ARHGAP23: variants seen among roughly 807,000 people sequenced by gnomAD.
The protein encoded by ARHGAP23 is Rho GTPase activating protein 23.
Under a neutral mutation model 136.3 loss-of-function variants are expected in ARHGAP23, and 34 were observed. The ratio of observed to expected loss-of-function variants is 0.25; its 90% CI spans 0.19 to 0.33. The LOEUF (loss-of-function observed/expected upper bound fraction) is 0.33. Ranked by LOEUF, ARHGAP23 falls within the 10% of genes least tolerant of loss-of-function variation. ARHGAP23 has a pLI of 1.00. For missense variants in ARHGAP23, 1,808 were observed against 2,139.0 expected (o/e 0.85, Z 3.05); for synonymous variants, 832 against 920.5 (o/e 0.90, Z 1.74).
rs191108197 is a variant in ARHGAP23, at chr17:38,508,092, C to G, written c.3448-1852C>G. ...TATTGAGCACCTGTTATGTGCCATGCAGAAACAACCAAGTCACAGCCTTTG... is the reference window on the plus strand; with the variant it reads ...TATTGAGCACCTGTTATGTGCCATGGAGAAACAACCAAGTCACAGCCTTTG... On this transcript the variant is annotated intron_variant, in intron 23 of 23. Transcript: ENST00000622683. Among the ~76,000 whole-genome samples the G allele has an allele frequency of 2.4e-4, 36 of 152,350 alleles. 1 individual carries two copies. The East Asian group carries it at 6.4e-3, about 27-fold the overall frequency.
At chr17:38,464,359 T>C (rs2039532680) in intron 6 of ARHGAP23, among the ~76,000 whole-genome samples, 1 of 152,178 alleles carries the variant, frequency 6.6e-6, no homozygotes, top group African/African-American at 2.4e-5. Flanking sequence ...CGGTCCGCTT[T>C]GCCCAGTGCC....
chr17:38,433,071 G>A (rs752971625), intron 1 of ARHGAP23, among the ~76,000 whole-genome samples: 2 of 152,118 alleles, frequency 1.3e-5, no homozygotes, highest in Non-Finnish European at 2.9e-5. Flanking sequence ...TCCCTCCTCA[G>A]CCTCCTGAGT....
rs146760398 is a variant in ARHGAP23 at position 38,510,616 on chromosome 17, C to G, written c.4120C>G (p.Leu1374Val). 5.2e-3 allele frequency: 6,925 copies of G among 1,342,736 alleles called. 332 individuals carry two copies. In the African/African-American group the frequency reaches 0.097, roughly 19 times the overall value. The allele number at this position is 1,342,736 out of a possible 1,614,324, so 83.2% of individuals were successfully genotyped here. A position where few individuals can be genotyped will look rare whatever the true frequency, so the allele number is the denominator to read the frequency against. The change falls in exon 24 of 24, where the codon CTA becomes GTA. Residue 1374 changes from leucine to valine, a missense_variant. Transcript: ENST00000622683. The surrounding 1 kb of genome is among the most constrained non-coding windows in gnomAD (Gnocchi z 4.6). Reference sequence around the variant, plus strand: ...GCCCTCGCGCATGGAGGCGCTGCGTCTAAGGCTCCGCGGCACGGCGGACGA... The same window carrying G: ...GCCCTCGCGCATGGAGGCGCTGCGTGTAAGGCTCCGCGGCACGGCGGACGA... The part of the protein sequence containing the change: ...SRPSRMEALR[L>V]RLRGTADDML...
intron 17 of ARHGAP23, among the ~76,000 whole-genome samples, chr17:38,486,422 G>A (rs1356789923): frequency 1.3e-5 from 2 of 151,788 alleles, no homozygotes; most frequent in Non-Finnish European, 2.9e-5. Context: ...AGAGATGGGG[G>A]GAGTTTCTCA....
intron 16 of ARHGAP23, among the ~76,000 whole-genome samples, chr17:38,483,982 G>A (rs1374583921): frequency 6.6e-6 from 1 of 152,188 alleles, no homozygotes; most frequent in Non-Finnish European, 1.5e-5. Context: ...GGCATTTGAT[G>A]GCTTCACTGA....
intron 1 of ARHGAP23, among the ~76,000 whole-genome samples, chr17:38,429,082 C>T (rs1056252639): frequency 6.6e-6 from 1 of 152,218 alleles, no homozygotes; most frequent in Non-Finnish European, 1.5e-5. Context: ...GACGGGTTGC[C>T]AGGCGCGGTT....
rs1342951217 is a variant in ARHGAP23 at position 38,510,343 on chromosome 17, A to G, written c.3847A>G (p.Ser1283Gly). 3 of 1,249,296 alleles carry G rather than the reference A, an allele frequency of 2.4e-6. No individual in the cohort carries two copies. Among genetic ancestry groups the G allele is most frequent in the Middle Eastern group, 4.6e-4 (2 of 4,320 alleles). The allele number at this position is 1,249,296 out of a possible 1,614,324, so 77.4% of individuals were successfully genotyped here. A position where few individuals can be genotyped will look rare whatever the true frequency, so the allele number is the denominator to read the frequency against. Residue 1283 changes from serine to glycine, a missense_variant, in exon 24 of 24, where the codon AGC (serine) becomes GGC (glycine). By Grantham distance (56) the Ser-to-Gly change is moderately conservative. Transcript: ENST00000622683. This position sits in a 1 kb window ranked among gnomAD's most constrained non-coding sequence, Gnocchi z 4.6. ...DEADDERSEL[S>G]HVETDTEGAA... ...GGCGGACGACGAGCGTAGCGAGCTG[A>G]GCCACGTGGAGACGGACACTGAGGG...
chr17:38,477,556 C>A lies in ARHGAP23; in HGVS notation c.2119-23C>A. The A allele has an allele frequency of 7.9e-7, 1 of 1,261,030 alleles. No individual in the cohort carries two copies. The highest frequency in any genetic ancestry group is 1.0e-6 in the Non-Finnish European group (1 of 1,001,616). 78.1% of individuals were successfully genotyped at this position (1,261,030 alleles called of 1,614,324 possible). ...CTGGCCTCTCACCATTCCTGTCTCCCCCAACCCCGTGTCTCCCTGCAGAAA... is the reference window on the plus strand; with the variant it reads ...CTGGCCTCTCACCATTCCTGTCTCCACCAACCCCGTGTCTCCCTGCAGAAA... On this transcript the variant is annotated intron_variant, in intron 11 of 23. Coordinates refer to ENST00000622683, the MANE Select transcript of ARHGAP23 (RefSeq NM_001199417.2). This position sits in a 1 kb window ranked among gnomAD's most constrained non-coding sequence, Gnocchi z 6.6.
chr17:38,509,295 A>G (rs1318747256), intron 23 of ARHGAP23, among the ~76,000 whole-genome samples: 1 of 151,174 alleles, frequency 6.6e-6, no homozygotes, highest in African/African-American at 2.4e-5. Flanking sequence ...AAACCATGAC[A>G]CCATACGGGA....
chr17:38,428,389 C>CACA (rs1377117859), upstream of ARHGAP23: 1 of 449,164 alleles, frequency 2.2e-6, no homozygotes, highest in African/African-American at 2.1e-5. Context: ...GGGGGCCCCC[C>CACA]CACACCGCGC....
intron 1 of ARHGAP23, among the ~76,000 whole-genome samples, chr17:38,421,914 C>T (rs78338964): frequency 0.015 from 2,257 of 152,310 alleles, 64 homozygotes; most frequent in African/African-American, 0.051. Context: ...CCTCTTTGCT[C>T]CTCTCCTTCT....
chr17:38,473,622 A>G (rs2039817294), intron 11 of ARHGAP23, among the ~76,000 whole-genome samples: 1 of 147,078 alleles, frequency 6.8e-6, no homozygotes, highest in African/African-American at 2.5e-5. Context: ...TGTTGAGCAG[A>G]GAGAACGCAT....
Position 38,469,168 on chromosome 17 carries a change from A to G in ARHGAP23, c.1673A>G (p.Asp558Gly), listed in dbSNP as rs1320279438. ...FIDEPTSPSI[D>G]LQAKHVPASA... Reference sequence around the variant, plus strand: ...GATGAGCCCACCAGCCCCAGCATTGACCTCCAAGCCAAGCACGTCCCTGCC... The same window carrying G: ...GATGAGCCCACCAGCCCCAGCATTGGCCTCCAAGCCAAGCACGTCCCTGCC... Residue 558 changes from aspartate (D) to glycine (G), a missense_variant, in exon 8 of 24, where the codon GAC becomes GGC. This residue lies in a region of ARHGAP23 where 859 missense variants were observed against 936.4 expected (regional missense o/e 0.92). Coordinates refer to ENST00000622683, the MANE Select transcript of ARHGAP23 (RefSeq NM_001199417.2). The G allele has an allele frequency of 3.2e-6, 5 of 1,550,868 alleles. No homozygotes were observed. Among genetic ancestry groups the G allele is most frequent in the Non-Finnish European group, 4.4e-6 (5 of 1,146,552 alleles).
chr17:38,471,981 A>C lies in ARHGAP23; in HGVS notation c.2093A>C (p.Lys698Thr). ...AGGAGAGAAGGCTGGTTGTATTATA[A>C]GCAGATTCTCACCAAGAAGGGGAAG... ...DIRREGWLYY[K>T]QILTKKGKKA... Residue 698 changes from lysine to threonine, a missense_variant, in exon 11 of 24, where the codon AAG (lysine) becomes ACG (threonine). Around this residue, in one of 7 missense-constraint regions of ARHGAP23, gnomAD observed 139 missense variants for 264.3 expected, o/e 0.53. Coordinates refer to ENST00000622683, the MANE Select transcript of ARHGAP23 (RefSeq NM_001199417.2). 1.9e-6 allele frequency: 3 copies of C among 1,549,610 alleles called. No individual in the cohort carries two copies.
intron 1 of ARHGAP23, among the ~76,000 whole-genome samples, chr17:38,440,694 C>T (rs1258331779): frequency 6.6e-6 from 1 of 152,234 alleles, no homozygotes; most frequent in Non-Finnish European, 1.5e-5. Flanking sequence ...CTGAAGGTGA[C>T]TGCTTTCTTT....
chr17:38,439,639 A>G (rs1410387049), intron 1 of ARHGAP23, among the ~76,000 whole-genome samples: 1 of 152,206 alleles, frequency 6.6e-6, no homozygotes, highest in African/African-American at 2.4e-5. Context: ...CAACAATCCC[A>G]TGGGCGATGG....
intron 23 of ARHGAP23, among the ~76,000 whole-genome samples, chr17:38,503,787 C>T (rs778245092): frequency 1.3e-5 from 2 of 152,196 alleles, no homozygotes; most frequent in Non-Finnish European, 2.9e-5. Context: ...AACAATAGAA[C>T]GTGCTTTTCA....
At chr17:38,472,219 A>T (rs1215666545) in intron 11 of ARHGAP23, among the ~76,000 whole-genome samples, 1 of 152,162 alleles carries the variant, frequency 6.6e-6, no homozygotes, top group Non-Finnish European at 1.5e-5. Context: ...TTGCTGTGGG[A>T]TGGATCTGAT....
At chr17:38,445,449 A>G (rs1429709744) in intron 1 of ARHGAP23, among the ~76,000 whole-genome samples, 3 of 151,772 alleles carry the variant, frequency 2.0e-5, no homozygotes, top group African/African-American at 7.3e-5. Context: ...TGCACTCCAC[A>G]CTCCAGCCTG....
Sources: gnomAD v4.1 joint callset for allele counts (sites outside exome capture counted in the v4.1 genomes callset) on GRCh38, gnomAD v4.1.1 for gene constraint, gnomAD v4.1.1 regional missense constraint, Gnocchi (gnomAD v3.1) non-coding constraint, MANE v1.5 for transcripts, NCBI Gene and HGNC (gene_info 2026-07-23, HGNC 2026-07-21) for gene names.